The following DDX60 variants were observed in gnomAD, a reference collection of about 807,000 sequenced individuals.
DDX60 encodes the protein DExD/H-box helicase 60.
DDX60 carries 165 observed loss-of-function variants against 212.8 expected under a neutral mutation model. The observed-to-expected ratio is 0.78, with a 90% CI of 0.68 to 0.88. The LOEUF (loss-of-function observed/expected upper bound fraction) is 0.88. Among genes scored for constraint, DDX60 ranks in the 40% least tolerant of loss-of-function variants. The pLI is 0.00. For synonymous variants in DDX60, 703 were observed against 685.3 expected, an observed-to-expected ratio of 1.03 and a Z score of -0.40; for missense variants, 1,905 against 2,003.9, an observed-to-expected ratio of 0.95 and a Z score of 0.94.
chr4:168,261,990 T>A lies in DDX60; in HGVS notation c.3273+10A>T. ...AAATAAAGTTTGGCCAAAAAGCGTA[T>A]GAAAATTACCTGCTCTACGTTGCCA... On this transcript the variant is annotated intron_variant, in intron 24 of 37. Transcript: ENST00000393743. 2 of 1,583,198 alleles carry A rather than the reference T, an allele frequency of 1.3e-6. No individual in the cohort carries two copies. Among genetic ancestry groups the A allele is most frequent in the Non-Finnish European group, 1.7e-6 (2 of 1,170,042 alleles).
At chr4:168,283,819 T>A (rs1301775560) in intron 12 of DDX60, among the ~76,000 whole-genome samples, 1 of 145,234 alleles carries the variant, frequency 6.9e-6, no homozygotes, top group South Asian at 2.2e-4. Context: ...ATGGTCTACC[T>A]CCTAAATTAG....
intron 10 of DDX60, among the ~76,000 whole-genome samples, chr4:168,286,268 T>C (rs1431156403): frequency 1.3e-5 from 2 of 151,820 alleles, no homozygotes; most frequent in African/African-American, 2.4e-5. Flanking sequence ...TATATACATA[T>C]ACATACACAT....
chr4:168,219,723 C>G (rs991060253), intron 37 of DDX60, among the ~76,000 whole-genome samples: 5 of 152,026 alleles, frequency 3.3e-5, no homozygotes, highest in African/African-American at 1.2e-4. Flanking sequence ...GAGTTGCATG[C>G]AGATTGAAGG....
chr4:168,245,839 T>A lies in DDX60; in HGVS notation c.4164+579A>T, dbSNP rs531816206. 9.2e-5 allele frequency among the ~76,000 whole-genome samples: 14 copies of A among 152,280 alleles called. No individual in the cohort carries two copies. In the South Asian group the frequency reaches 1.9e-3, roughly 20 times the overall value. ...ACATCAGGACACATTTACAACCATATTTTGAAGTTCAGTTACATACAACGA... is the reference window on the plus strand; with the variant it reads ...ACATCAGGACACATTTACAACCATAATTTGAAGTTCAGTTACATACAACGA... On this transcript the variant is annotated intron_variant, in intron 30 of 37. Coordinates refer to ENST00000393743, the MANE Select transcript of DDX60 (RefSeq NM_017631.6).
At chr4:168,242,639 C>A (rs1733889739) in intron 30 of DDX60, among the ~76,000 whole-genome samples, 1 of 152,170 alleles carries the variant, frequency 6.6e-6, no homozygotes, top group African/African-American at 2.4e-5. Context: ...AATGCCTGTA[C>A]CCCCACTATA....
intron 24 of DDX60, 85 bp from the exon 25 acceptor site, chr4:168,261,074 G>A: frequency 7.1e-7 from 1 of 1,411,176 alleles, no homozygotes; most frequent in Non-Finnish European, 9.7e-7. Context: ...TTTCATAGTT[G>A]TCTAATATAT....
At position 168,252,553 on chromosome 4, in the gene DDX60, G is replaced by T. The variant is rs761881439; in HGVS notation, c.3661C>A (p.Pro1221Thr). Residue 1221 changes from proline (P) to threonine (T), a missense_variant, in exon 27 of 38, where the codon CCA (proline) becomes ACA (threonine). Coordinates refer to ENST00000393743, the MANE Select transcript of DDX60 (RefSeq NM_017631.6). ...TGATCAGCATATGTGCAGTCCTGTG[G>T]GATTTCCAGGTTCTTCTCTAGACAC... ...VKCLEKNLEI[P>T]QDCTYADQKA... is the part of the protein sequence containing the mutation. 25 of 1,613,876 alleles carry T rather than the reference G, an allele frequency of 1.5e-5. No homozygotes were observed. The highest frequency in any genetic ancestry group is 2.1e-5 in the Non-Finnish European group (25 of 1,179,922).
chr4:168,317,823 G>A (rs1461177423), intron 1 of DDX60, among the ~76,000 whole-genome samples: 2 of 152,164 alleles, frequency 1.3e-5, no homozygotes, highest in African/African-American at 4.8e-5. Flanking sequence ...TAAGATCTCA[G>A]GGTGAAATCT....
At position 168,307,674 on chromosome 4, in the gene DDX60, C is replaced by T. The variant is rs576355617; in HGVS notation, c.264+332G>A. Among the ~76,000 whole-genome samples, 172 of 152,206 alleles carry T rather than the reference C, an allele frequency of 1.1e-3. 1 individual carries two copies. In the Middle Eastern group the frequency reaches 0.014, roughly 12 times the overall value. On this transcript the variant is annotated intron_variant, in intron 4 of 37. Coordinates refer to ENST00000393743, the MANE Select transcript of DDX60 (RefSeq NM_017631.6). Reference sequence around the variant, plus strand: ...TTTTCCTCTGGGCTCATATAAATTGCCTGCTGAGTTTTGAAAACAGAAATA... The same window carrying T: ...TTTTCCTCTGGGCTCATATAAATTGTCTGCTGAGTTTTGAAAACAGAAATA...
Position 168,272,102 on chromosome 4 carries a change from G to T in DDX60, c.2611C>A (p.Leu871Met). ...ITVPACFEIL[L>M]LAPHRQNWVK... ...CAGTTTTGGCGATGAGGAGCAAGCA[G>T]CAGAATTTCAAAGCAGGCAGGCACT... The change falls in exon 19 of 38, where the codon CTG becomes ATG. Residue 871 changes from leucine (L) to methionine (M), a missense_variant. By Grantham distance (15) the Leu-to-Met change is conservative. Transcript: ENST00000393743. 1 of 1,586,174 alleles carries T rather than the reference G, an allele frequency of 6.3e-7. No individual in the cohort carries two copies. Among genetic ancestry groups the T allele is most frequent in the South Asian group, 1.1e-5 (1 of 87,170 alleles).
intron 1 of DDX60, among the ~76,000 whole-genome samples, chr4:168,314,726 C>T (rs1375734379): frequency 6.6e-6 from 1 of 152,106 alleles, no homozygotes; most frequent in Non-Finnish European, 1.5e-5. Flanking sequence ...AGTCAATAAG[C>T]TCTTTCTCCC....
chr4:168,316,629 A>C (rs1032256755), intron 1 of DDX60, among the ~76,000 whole-genome samples: 1 of 152,204 alleles, frequency 6.6e-6, no homozygotes, highest in African/African-American at 2.4e-5. Context: ...ATTCATTTCT[A>C]GAAATAATGC....
chr4:168,256,340 C>T (rs1184940025), intron 25 of DDX60, among the ~76,000 whole-genome samples: 1 of 152,008 alleles, frequency 6.6e-6, no homozygotes, highest in Non-Finnish European at 1.5e-5. Flanking sequence ...AAGGTGAGAA[C>T]CTATGATTCT....
At chr4:168,274,232 G>T in intron 16 of DDX60, 149 bp from the exon 17 acceptor site, 3 of 971,464 alleles carry the variant, frequency 3.1e-6, no homozygotes, top group Non-Finnish European at 4.4e-6. Flanking sequence ...TCTCAGAAGA[G>T]ATCATTTTTA....
At chr4:168,290,274 C>G (rs1173527684) in intron 8 of DDX60, among the ~76,000 whole-genome samples, 2 of 151,990 alleles carry the variant, frequency 1.3e-5, no homozygotes, top group Non-Finnish European at 2.9e-5. Flanking sequence ...TTCTATTCCT[C>G]CAGGACTTGG....
chr4:168,224,942 T>C (rs559405866), intron 34 of DDX60, among the ~76,000 whole-genome samples: 6 of 152,146 alleles, frequency 3.9e-5, no homozygotes, highest in Non-Finnish European at 8.8e-5. Context: ...TTAGAAAGCT[T>C]CCATCTATTA....
chr4:168,306,627 G>T lies in DDX60; in HGVS notation c.358C>A (p.Arg120=). 1 of 1,613,992 alleles carries T rather than the reference G, an allele frequency of 6.2e-7. No individual in the cohort carries two copies. The highest frequency in any genetic ancestry group is 8.5e-7 in the Non-Finnish European group (1 of 1,179,954). ...GATAAGCATCTCGAAAATGTTGTTC[G>T]AACATCAATGGTGGTATTCTTCTGA... The part of the protein sequence containing the change: ...HLQKNTTIDV[R]TTFSRCLSKE... The change falls in exon 5 of 38, where the codon CGA becomes AGA. Residue 120 remains arginine (R), a synonymous_variant. Coordinates refer to ENST00000393743, the MANE Select transcript of DDX60 (RefSeq NM_017631.6).
At chr4:168,249,874 T>G (rs949491617) in intron 28 of DDX60, among the ~76,000 whole-genome samples, 10 of 152,226 alleles carry the variant, frequency 6.6e-5, no homozygotes, top group African/African-American at 2.4e-4. Context: ...ACATTTAGTT[T>G]AAAAGATGCT....
rs35973596 is a variant in DDX60, at chr4:168,244,878, T to TAAA, written c.4164+1537_4164+1539dup. ...GGAAGGTAAGTTTTATGTTTTCTCA[T>TAAA]AAAAAAAAATAGCAATGAAAAACAG... On this transcript the variant is annotated intron_variant, in intron 30 of 37. Transcript: ENST00000393743. 6.0e-5 allele frequency among the ~76,000 whole-genome samples: 9 copies of TAAA among 151,240 alleles called. No individual in the cohort carries two copies. In the East Asian group the frequency reaches 1.2e-3, roughly 20 times the overall value.
Sources: gnomAD v4.1 joint callset for allele counts (sites outside exome capture counted in the v4.1 genomes callset) on GRCh38, gnomAD v4.1.1 for gene constraint, MANE v1.5 for transcripts, NCBI Gene and HGNC (gene_info 2026-07-23, HGNC 2026-07-21) for gene names.